MYRIP: variants seen among roughly 807,000 people sequenced by gnomAD.
MYRIP encodes rab effector MyRIP.
MYRIP carries 49 observed loss-of-function variants against 98.0 expected under a neutral mutation model. The observed-to-expected ratio is 0.50, with a 90% confidence interval of 0.40 to 0.63. The LOEUF (loss-of-function observed/expected upper bound fraction) is 0.63, where lower values mean the gene tolerates loss of function less well. Ranked by LOEUF, MYRIP falls within the 30% of genes least tolerant of loss-of-function variation. MYRIP has a pLI of 0.00. For missense variants in MYRIP, 1,004 were observed against 1,058.2 expected, an observed-to-expected ratio of 0.95 and a Z score of 0.71; for synonymous variants, 404 against 409.5, an observed-to-expected ratio of 0.99 and a Z score of 0.16.
intron 2 of MYRIP, among the ~76,000 whole-genome samples, chr3:39,959,602 G>A (rs7637714): frequency 0.39 from 58,521 of 151,206 alleles, 11,375 homozygotes; most frequent in Middle Eastern, 0.46. Context: ...CAGCACACCA[G>A]CATGGCACAT....
intron 2 of MYRIP, among the ~76,000 whole-genome samples, chr3:39,928,336 C>T (rs1944463022): frequency 1.3e-5 from 2 of 151,262 alleles, no homozygotes; most frequent in South Asian, 2.1e-4. Context: ...ACTAGTATTA[C>T]CCTGATGCCA....
At chr3:40,142,648 G>T (rs1949930248) in intron 3 of MYRIP, among the ~76,000 whole-genome samples, 1 of 151,966 alleles carries the variant, frequency 6.6e-6, no homozygotes, top group Admixed American at 6.6e-5. Context: ...TTGTAGAGAT[G>T]GGGCTTTGCC....
rs1266540016 is a variant in MYRIP at position 39,905,081 on chromosome 3, T to C, written c.110+4155T>C. 2.6e-5 allele frequency among the ~76,000 whole-genome samples: 4 copies of C among 152,230 alleles called. No individual in the cohort carries two copies. The East Asian group carries it at 7.7e-4, about 29-fold the overall frequency. ...TGGAAACAAAAGGCATGGTGACGCC[T>C]GCTCCTACCTCCAGGTGCTTTGGGT... On this transcript the variant is annotated intron_variant, in intron 2 of 16. Coordinates refer to ENST00000302541, the MANE Select transcript of MYRIP (RefSeq NM_015460.4).
chr3:40,120,854 A>G (rs1206925675), intron 3 of MYRIP, among the ~76,000 whole-genome samples: 1 of 152,250 alleles, frequency 6.6e-6, no homozygotes. Context: ...ATAAATAAGA[A>G]TGCTAAAGAA....
intron 2 of MYRIP, among the ~76,000 whole-genome samples, chr3:39,947,905 C>G (rs1294137881): frequency 2.6e-5 from 4 of 152,166 alleles, no homozygotes; most frequent in African/African-American, 9.7e-5. Context: ...TGATTGTCAA[C>G]TTTGGCTCCA....
chr3:40,103,830 T>G (rs1173546973), intron 3 of MYRIP, among the ~76,000 whole-genome samples: 1 of 151,720 alleles, frequency 6.6e-6, no homozygotes, highest in Non-Finnish European at 1.5e-5. Context: ...AAGAAGAAAA[T>G]TTTGATATAA....
intron 11 of MYRIP, among the ~76,000 whole-genome samples, chr3:40,210,481 C>T (rs1216267467): frequency 6.6e-6 from 1 of 152,196 alleles, no homozygotes; most frequent in African/African-American, 2.4e-5. Context: ...TTAAGGTCAT[C>T]TAGCCAACCC....
intron 2 of MYRIP, among the ~76,000 whole-genome samples, chr3:39,972,966 T>G (rs1488222866): frequency 6.6e-6 from 1 of 151,998 alleles, no homozygotes; most frequent in Non-Finnish European, 1.5e-5. Flanking sequence ...ATAAAATGCA[T>G]GTGTAGTAAG....
At chr3:39,970,160 G>A (rs915920849) in intron 2 of MYRIP, 3 of 152,026 alleles carry the variant, frequency 2.0e-5, no homozygotes, top group Non-Finnish European at 2.9e-5. Context: ...AGCCAATGAG[G>A]TTTATCTGAA....
intron 3 of MYRIP, among the ~76,000 whole-genome samples, chr3:40,104,551 T>G (rs1463904435): frequency 1.3e-5 from 2 of 152,224 alleles, no homozygotes; most frequent in Admixed American, 1.3e-4. Flanking sequence ...TGATTTTTCT[T>G]TTCTCATTTC....
intron 3 of MYRIP, among the ~76,000 whole-genome samples, chr3:40,102,758 G>T (rs948961308): frequency 6.6e-6 from 1 of 151,920 alleles, no homozygotes; most frequent in African/African-American, 2.4e-5. Flanking sequence ...ATGGTGCTAG[G>T]GGAGGCCTGA....
intron 10 of MYRIP, among the ~76,000 whole-genome samples, chr3:40,203,269 A>G (rs553234579): frequency 1.3e-5 from 2 of 152,240 alleles, no homozygotes; most frequent in African/African-American, 4.8e-5. Context: ...CTTAAGCTGA[A>G]GAATTCAATA....
At chr3:40,249,001 G>A (rs1953287349) in intron 13 of MYRIP, among the ~76,000 whole-genome samples, 1 of 152,176 alleles carries the variant, frequency 6.6e-6, no homozygotes. Context: ...CTCAGGGGTA[G>A]GGGATGCATC....
intron 11 of MYRIP, among the ~76,000 whole-genome samples, chr3:40,227,734 T>C (rs1952529901): frequency 6.6e-6 from 1 of 152,192 alleles, no homozygotes; most frequent in African/African-American, 2.4e-5. Context: ...CTCACCAGCA[T>C]TGTGCCCATC....
At chr3:40,124,512 T>G (rs563351628) in intron 3 of MYRIP, among the ~76,000 whole-genome samples, 2 of 152,202 alleles carry the variant, frequency 1.3e-5, no homozygotes, top group South Asian at 2.1e-4. Flanking sequence ...GACAGCCAGT[T>G]CAGCAGTGAC....
chr3:39,905,150 G>A (rs116048294), intron 2 of MYRIP, among the ~76,000 whole-genome samples: 241 of 152,270 alleles, frequency 1.6e-3, no homozygotes, highest in African/African-American at 5.4e-3. Context: ...AGTTCATATT[G>A]TACTTGGTTA....
At chr3:39,895,348 G>A (rs535758400) in intron 1 of MYRIP, among the ~76,000 whole-genome samples, 2 of 151,814 alleles carry the variant, frequency 1.3e-5, no homozygotes, top group South Asian at 2.1e-4. Context: ...CACCACGCTC[G>A]GCTAATTTTT....
At chr3:40,223,579 C>T (rs1298688015) in intron 11 of MYRIP, among the ~76,000 whole-genome samples, 1 of 152,140 alleles carries the variant, frequency 6.6e-6, no homozygotes, top group East Asian at 1.9e-4. Context: ...ATTTTCACCC[C>T]AATGAAGGTA....
chr3:40,181,710 TGTCA>T (rs1486668586), intron 8 of MYRIP, among the ~76,000 whole-genome samples: 1 of 152,236 alleles, frequency 6.6e-6, no homozygotes, highest in African/African-American at 2.4e-5. Context: ...AGTTTGTTCC[TGTCA>T]GTCACTTGAA....
Sources: allele counts gnomAD v4.1 joint callset (sites outside exome capture counted in the v4.1 genomes callset), GRCh38; gene constraint gnomAD v4.1.1; transcripts MANE v1.5; gene names NCBI Gene and HGNC (gene_info 2026-07-23, HGNC 2026-07-21).